Variants in ZNF69 observed in about 807,000 individuals in gnomAD.
ZNF69 encodes zinc finger protein 69.
Under a neutral mutation model 50.9 loss-of-function variants are expected in ZNF69, and 47 were observed. The observed-to-expected ratio is 0.92, with a 90% CI of 0.73 to 1.18. ZNF69 has a LOEUF of 1.18. Ranked by LOEUF, ZNF69 falls within the 50% of genes most tolerant of loss-of-function variation. ZNF69 has a pLI of 0.00. For missense variants in ZNF69, 717 were observed against 675.1 expected (o/e 1.06, Z -0.69); for synonymous variants, 216 against 223.1 (o/e 0.97, Z 0.29).
At chr19:11,900,451 C>T (rs1972220082) in intron 1 of ZNF69, among the ~76,000 whole-genome samples, 1 of 151,120 alleles carries the variant, frequency 6.6e-6, no homozygotes, top group Admixed American at 6.6e-5. Context: ...CTCCTGGGTT[C>T]CAGCGATTCT....
the ZNF69 span, among the ~76,000 whole-genome samples, chr19:11,951,172 AG>A: frequency 6.7e-6 from 1 of 150,102 alleles, no homozygotes; most frequent in Non-Finnish European, 1.5e-5. Flanking sequence ...AAAAAAAGAA[AG>A]AAATTTTACT....
rs1284313258 is a variant in ZNF69 at position 11,906,615 on chromosome 19, G to C, written c.*517G>C. ...CCAACAGACCTCAGCTGAGGGTCCT[G>C]ACTGTTAGAAGGAAAACTAACAAAC... On this transcript the variant is annotated 3_prime_UTR_variant, in exon 4 of 4. Transcript: ENST00000429654. 2.0e-5 allele frequency among the ~76,000 whole-genome samples: 3 copies of C among 152,200 alleles called. No individual in the cohort carries two copies. The highest frequency in any genetic ancestry group is 4.4e-5 in the Non-Finnish European group (3 of 68,040).
chr19:11,968,581 G>A, the ZNF69 span, among the ~76,000 whole-genome samples: 1 of 152,122 alleles, frequency 6.6e-6, no homozygotes, highest in Admixed American at 6.6e-5. Flanking sequence ...TTCCCCCAGA[G>A]CTTGTTTTCT....
the ZNF69 span, chr19:11,948,472 G>A: frequency 6.2e-7 from 1 of 1,614,004 alleles, no homozygotes; most frequent in Non-Finnish European, 8.5e-7. Context: ...AGGTGACACT[G>A]GACACAAGGC....
the ZNF69 span, among the ~76,000 whole-genome samples, chr19:11,940,835 C>T: frequency 1.3e-5 from 2 of 151,820 alleles, no homozygotes; most frequent in Admixed American, 6.6e-5. Context: ...CCACGTCCCC[C>T]CCAGATTAGC....
the ZNF69 span, among the ~76,000 whole-genome samples, chr19:11,977,641 T>C: frequency 6.6e-6 from 1 of 152,164 alleles, no homozygotes; most frequent in Non-Finnish European, 1.5e-5. Flanking sequence ...GGAGGATAGC[T>C]TGAGGCCAGC....
chr19:11,904,513 A>G, intron 3 of ZNF69, 136 bp from the exon 4 acceptor site: 1 of 1,272,490 alleles, frequency 7.9e-7, no homozygotes, highest in Admixed American at 2.8e-5. Context: ...TTGTCCAGTC[A>G]CCTTCAAACA....
downstream of ZNF69, among the ~76,000 whole-genome samples, chr19:11,918,981 C>T (rs1037143499): frequency 9.2e-5 from 14 of 151,914 alleles, no homozygotes; most frequent in East Asian, 3.9e-4. Flanking sequence ...CTGCAACCTC[C>T]GCCTCCCGGG....
the ZNF69 span, among the ~76,000 whole-genome samples, chr19:11,959,713 G>A: frequency 6.6e-6 from 1 of 152,070 alleles, no homozygotes; most frequent in Admixed American, 6.6e-5. Flanking sequence ...TCTTGTTTTT[G>A]TCCCTAATTG....
At chr19:11,903,189 C>T (rs942442366) in intron 1 of ZNF69, among the ~76,000 whole-genome samples, 3 of 152,022 alleles carry the variant, frequency 2.0e-5, no homozygotes, top group African/African-American at 7.2e-5. Flanking sequence ...AATCCCAGCA[C>T]TTTGGGAGGC....
the ZNF69 span, among the ~76,000 whole-genome samples, chr19:11,934,300 C>T: frequency 6.8e-5 from 10 of 147,768 alleles, no homozygotes; most frequent in African/African-American, 2.7e-4. Flanking sequence ...TCATTTGGGT[C>T]AATATTGTAG....
chr19:11,964,377 T>C, the ZNF69 span, among the ~76,000 whole-genome samples: 6 of 152,174 alleles, frequency 3.9e-5, no homozygotes, highest in Non-Finnish European at 8.8e-5. Context: ...GTTGTTTGTA[T>C]ATATAAAGAG....
the ZNF69 span, among the ~76,000 whole-genome samples, chr19:11,927,315 A>G: frequency 6.6e-6 from 1 of 152,006 alleles, no homozygotes; most frequent in Non-Finnish European, 1.5e-5. Flanking sequence ...AGGATGTACC[A>G]CTGCACTCCA....
the ZNF69 span, chr19:11,947,120 G>T: frequency 2.5e-6 from 4 of 1,588,166 alleles, no homozygotes; most frequent in Non-Finnish European, 3.4e-6. Flanking sequence ...TGGGAATAGA[G>T]TCTAGGCCTC....
the ZNF69 span, chr19:11,947,430 G>A: frequency 5.6e-6 from 9 of 1,599,084 alleles, no homozygotes; most frequent in East Asian, 2.0e-4. Flanking sequence ...AGGCATGGCT[G>A]CAGTAAATCA....
chr19:11,929,218 T>A, the ZNF69 span, among the ~76,000 whole-genome samples: 2 of 148,432 alleles, frequency 1.3e-5, no homozygotes, highest in Admixed American at 1.3e-4. Context: ...CAGGCTGGAG[T>A]GCAGGCGCGA....
chr19:11,921,232 G>T, the ZNF69 span, among the ~76,000 whole-genome samples: 1 of 152,098 alleles, frequency 6.6e-6, no homozygotes, highest in African/African-American at 2.4e-5. Context: ...AGAGTGCAGT[G>T]GTGGGATCAT....
At chr19:11,891,987 T>C (rs1208483743) in intron 1 of ZNF69, among the ~76,000 whole-genome samples, 3 of 152,114 alleles carry the variant, frequency 2.0e-5, no homozygotes, top group Admixed American at 6.6e-5. Flanking sequence ...TTTAATTTTA[T>C]TTTTTTCTTT....
chr19:11,934,939 G>C, the ZNF69 span, among the ~76,000 whole-genome samples: 1 of 147,478 alleles, frequency 6.8e-6, no homozygotes. Context: ...CCAGCACTTT[G>C]GGAGGCCAAG....
Sources: gnomAD v4.1 joint callset for allele counts (sites outside exome capture counted in the v4.1 genomes callset) on GRCh38, gnomAD v4.1.1 for gene constraint, MANE v1.5 for transcripts, NCBI Gene and HGNC (gene_info 2026-07-23, HGNC 2026-07-21) for gene names.